IPO5: variants seen among roughly 807,000 people sequenced by gnomAD.
IPO5 encodes importin 5, also known as importin-5.
Under a neutral mutation model 143.3 loss-of-function variants are expected in IPO5, and 18 were observed. The ratio of observed to expected loss-of-function variants is 0.13; its 90% CI spans 0.09 to 0.19. The LOEUF (loss-of-function observed/expected upper bound fraction) is 0.19, where lower values mean the gene tolerates loss of function less well. Ranked by LOEUF, IPO5 falls within the 10% of genes least tolerant of loss-of-function variation. IPO5 has a pLI of 1.00. For missense variants in IPO5, 1,013 were observed against 1,336.9 expected, an observed-to-expected ratio of 0.76 and a Z score of 3.78; for synonymous variants, 477 against 465.7, an observed-to-expected ratio of 1.02 and a Z score of -0.31.
Position 98,018,598 on chromosome 13 carries a change from G to T in IPO5, c.2730G>T (p.Met910Ile). ...ACGCAGAATATTTCTTAAGACCAAT[G>T]CTCCAATATGTATGTGACAACAGCC... ...FKYAEYFLRP[M>I]LQYVCDNSPE... Residue 910 changes from methionine to isoleucine, a missense_variant, in exon 26 of 29, where the codon ATG (methionine) becomes ATT (isoleucine). Met to Ile is a conservative substitution (Grantham distance 10). Coordinates refer to ENST00000651721, the MANE Select transcript of IPO5 (RefSeq NM_002271.6). The T allele has an allele frequency of 6.2e-7, 1 of 1,614,146 alleles. No individual in the cohort carries two copies. Among genetic ancestry groups the T allele is most frequent in the Non-Finnish European group, 8.5e-7 (1 of 1,179,992 alleles).
Position 98,016,140 on chromosome 13 carries a change from G to A in IPO5, c.2493+359G>A, listed in dbSNP as rs1433076380. ...AATGATTGCCTAGAGTCACACTGTT[G>A]ACGGTCTGGGGCCTTTTTCACCATG... On this transcript the variant is annotated intron_variant, in intron 24 of 28. Transcript: ENST00000651721. Among the ~76,000 whole-genome samples, 6 of 152,142 alleles carry A rather than the reference G, an allele frequency of 3.9e-5. No individual in the cohort carries two copies. In the East Asian group the frequency reaches 1.2e-3, roughly 29 times the overall value.
In IPO5 at chr13:98,018,644, G is replaced by T. The variant is rs760852635; in HGVS notation, c.2776G>T (p.Ala926Ser). ...DNSPEVRQAA[A>S]YGLGVMAQYG... ...CAGCCCAGAAGTCAGGCAAGCAGCT[G>T]CATATGGCCTGGGAGTCATGGCACA... The change falls in exon 26 of 29, where the codon GCA (alanine) becomes TCA (serine). Residue 926 changes from alanine (A) to serine (S), a missense_variant. Ala to Ser is a moderately conservative substitution (Grantham distance 99). This residue lies in a region of IPO5 where 685 missense variants were observed against 994.9 expected (regional missense o/e 0.69). Coordinates refer to ENST00000651721, the MANE Select transcript of IPO5 (RefSeq NM_002271.6). 9.3e-6 allele frequency: 15 copies of T among 1,614,052 alleles called. No individual in the cohort carries two copies. The highest frequency in any genetic ancestry group is 1.2e-5 in the Non-Finnish European group (14 of 1,180,038).
At chr13:97,993,502 GCA>G (rs1320110069) in intron 11 of IPO5, among the ~76,000 whole-genome samples, 1 of 152,120 alleles carries the variant, frequency 6.6e-6, no homozygotes, top group African/African-American at 2.4e-5. Flanking sequence ...TTAATATTGG[GCA>G]CAGTTAATAG....
chr13:98,016,554 G>A (rs1288252360), intron 24 of IPO5, among the ~76,000 whole-genome samples, 175 bp from the exon 25 acceptor site: 1 of 152,072 alleles, frequency 6.6e-6, no homozygotes, highest in Non-Finnish European at 1.5e-5. Flanking sequence ...ATTAGTAAGA[G>A]ACATGATAAC....
Position 98,016,828 on chromosome 13 carries a change from C to T in IPO5, c.2593C>T (p.Leu865Phe). The change falls in exon 25 of 29, where the codon CTT (leucine) becomes TTT (phenylalanine). Residue 865 changes from leucine to phenylalanine, a missense_variant. This residue lies in a region of IPO5 where 685 missense variants were observed against 994.9 expected (regional missense o/e 0.69). Coordinates refer to ENST00000651721, the MANE Select transcript of IPO5 (RefSeq NM_002271.6). Reference protein sequence around the residue: ...EKVLPWFEQLLPLIVNLICPH... With the variant: ...EKVLPWFEQLFPLIVNLICPH... ...GGTGTTACCATGGTTTGAACAGCTG[C>T]TTCCATTAATTGTCAACCTCATTGT... The T allele has an allele frequency of 6.4e-7, 1 of 1,570,092 alleles. No homozygotes were observed. Among genetic ancestry groups the T allele is most frequent in the Non-Finnish European group, 8.6e-7 (1 of 1,163,200 alleles).
intron 22 of IPO5, 77 bp downstream of exon 22, chr13:98,014,291 AAT>A: frequency 1.7e-6 from 2 of 1,158,570 alleles, no homozygotes. Context: ...AAAAAAAAAA[AAT>A]TTGAGACAGG....
rs535620068 is a variant in IPO5, at chr13:97,969,878, TAA to T, written c.-5+51_-5+52del. On this transcript the variant is annotated intron_variant, in intron 3 of 28. Transcript: ENST00000651721. Reference sequence around the variant, plus strand: ...AAGTCACTTCCTGTTTTGTTTTTTTTAAAAGAGACAAGGTCTCGCCATGTTGC... The same window carrying T: ...AAGTCACTTCCTGTTTTGTTTTTTTTAAGAGACAAGGTCTCGCCATGTTGC... 382 of 1,457,782 alleles carry T rather than the reference TAA, an allele frequency of 2.6e-4. 1 individual carries two copies. The highest frequency in any genetic ancestry group is 3.5e-4 in the Non-Finnish European group (364 of 1,043,816). The allele number at this position is 1,457,782 out of a possible 1,614,324, so 90.3% of individuals were successfully genotyped here.
chr13:97,977,285 T>C (rs1720540241), intron 4 of IPO5, among the ~76,000 whole-genome samples: 1 of 152,186 alleles, frequency 6.6e-6, no homozygotes, highest in Non-Finnish European at 1.5e-5. Flanking sequence ...CCCTCTCTTT[T>C]TAAATATGTG....
chr13:97,991,069 TA>T (rs1738473277), intron 9 of IPO5, among the ~76,000 whole-genome samples: 2 of 152,276 alleles, frequency 1.3e-5, no homozygotes, highest in South Asian at 4.1e-4. Context: ...AATTTTATAT[TA>T]ATTAAAATTT....
At chr13:97,996,465 A>C (rs1888297690) in intron 11 of IPO5, among the ~76,000 whole-genome samples, 1 of 152,220 alleles carries the variant, frequency 6.6e-6, no homozygotes, top group Admixed American at 6.5e-5. Context: ...ATCAATTGTT[A>C]ATAAAAGATG....
In IPO5 at chr13:97,981,939, G is replaced by A. The variant is rs147717473; in HGVS notation, c.91-564G>A. 71 of 152,690 alleles carry A rather than the reference G, an allele frequency of 4.6e-4. 1 individual carries two copies. The East Asian group carries it at 0.013, about 28-fold the overall frequency. 9.5% of individuals were successfully genotyped at this position (152,690 alleles called of 1,614,324 possible). On this transcript the variant is annotated intron_variant, in intron 4 of 28. Coordinates refer to ENST00000651721, the MANE Select transcript of IPO5 (RefSeq NM_002271.6). ...CAAAAGACGATAAAGCCTCCTGGCC[G>A]AATTTATCCTGACCACATTCATTTA...
chr13:97,995,900 G>A (rs887214499), intron 11 of IPO5, among the ~76,000 whole-genome samples: 1 of 152,162 alleles, frequency 6.6e-6, no homozygotes, highest in Non-Finnish European at 1.5e-5. Flanking sequence ...AATTTTCTAA[G>A]ACTGAATCAC....
intron 17 of IPO5, 95 bp downstream of exon 17, chr13:98,006,443 C>G: frequency 2.8e-6 from 2 of 713,678 alleles, no homozygotes; most frequent in Admixed American, 6.9e-5. Flanking sequence ...GGCACGATCT[C>G]GGCTCACTGC....
At chr13:97,987,633 C>G (rs79144105) in intron 6 of IPO5, among the ~76,000 whole-genome samples, 2,086 of 152,224 alleles carry the variant, frequency 0.014, 128 homozygotes, top group Admixed American at 0.11. Flanking sequence ...GATTCTCCTG[C>G]CTCAGCCTCC....
intron 11 of IPO5, among the ~76,000 whole-genome samples, chr13:97,995,057 C>G (rs536862348): frequency 2.4e-4 from 35 of 148,768 alleles, no homozygotes; most frequent in African/African-American, 8.7e-4. Flanking sequence ...CCCAAGAGGT[C>G]AAGGCTGCCG....
chr13:97,960,706 G>A lies in IPO5; in HGVS notation c.-113+6508G>A, dbSNP rs142111999. 6.1e-3 allele frequency among the ~76,000 whole-genome samples: 931 copies of A among 151,692 alleles called. 8 individuals carry two copies. Among genetic ancestry groups the A allele is most frequent in the African/African-American group, 0.021 (858 of 41,366 alleles). ...CTTGAGTAGCTGGGATTACAGTCGC[G>A]CACCACTACGCCCAGCTAACTTTTG... On this transcript the variant is annotated intron_variant, in intron 2 of 28. Transcript: ENST00000651721.
intron 2 of IPO5, among the ~76,000 whole-genome samples, chr13:97,969,346 T>C (rs1228368305): frequency 6.6e-6 from 1 of 151,404 alleles, no homozygotes; most frequent in African/African-American, 2.4e-5. Context: ...CACGCCCAGC[T>C]AATTTTTTTG....
chr13:98,016,928 C>T lies in IPO5; in HGVS notation c.2616+77C>T, dbSNP rs144022061. 5.9e-4 allele frequency: 663 copies of T among 1,129,834 alleles called. 2 individuals carry two copies. The African/African-American group carries it at 9.7e-3, about 16-fold the overall frequency. 70.0% of individuals were successfully genotyped at this position (1,129,834 alleles called of 1,614,324 possible). ...TTTCACTGCAACGTAAAATCTAATGCTTGAAGTTAAAATGGGTCTCAGAAA... is the reference window on the plus strand; with the variant it reads ...TTTCACTGCAACGTAAAATCTAATGTTTGAAGTTAAAATGGGTCTCAGAAA... On this transcript the variant is annotated intron_variant, in intron 25 of 28. Coordinates refer to ENST00000651721, the MANE Select transcript of IPO5 (RefSeq NM_002271.6).
At chr13:98,010,844 G>A (rs970685998) in intron 20 of IPO5, among the ~76,000 whole-genome samples, 16 of 128,066 alleles carry the variant, frequency 1.2e-4, no homozygotes, top group African/African-American at 4.0e-4. Context: ...GCAGTGGCAC[G>A]ATCTCGACTC....
Sources: allele counts gnomAD v4.1 joint callset (sites outside exome capture counted in the v4.1 genomes callset), GRCh38; gene constraint gnomAD v4.1.1; regional missense constraint gnomAD v4.1.1; transcripts MANE v1.5; gene names NCBI Gene and HGNC (gene_info 2026-07-23, HGNC 2026-07-21).